Variants in METAP1D observed in about 807,000 individuals in gnomAD.
The protein encoded by METAP1D is methionyl aminopeptidase type 1D, mitochondrial.
Under a neutral mutation model 40.5 loss-of-function variants are expected in METAP1D, and 31 were observed. The observed-to-expected ratio is 0.77, with a 90% CI of 0.58 to 1.03. METAP1D has a LOEUF of 1.03. METAP1D is among the 50% of genes least tolerant of loss of function. The probability of loss-of-function intolerance (pLI) is 0.00; values close to 1 mark genes in which losing one functional copy is unlikely to be tolerated. For synonymous variants in METAP1D, 151 were observed against 146.4 expected (o/e 1.03, Z -0.22); for missense variants, 411 against 420.7 (o/e 0.98, Z 0.20).
At chr2:172,059,292 A>G (rs1462461229) in intron 1 of METAP1D, among the ~76,000 whole-genome samples, 1 of 151,934 alleles carries the variant, frequency 6.6e-6, no homozygotes, top group Non-Finnish European at 1.5e-5. Flanking sequence ...TATTTTTAGT[A>G]GAGACAAGGT....
chr2:172,056,060 T>C (rs897728368), intron 1 of METAP1D, among the ~76,000 whole-genome samples: 1 of 152,206 alleles, frequency 6.6e-6, no homozygotes, highest in Non-Finnish European at 1.5e-5. Context: ...AATGACTGTG[T>C]ACTTGAACTT....
intron 6 of METAP1D, among the ~76,000 whole-genome samples, chr2:172,076,281 C>A (rs1690543475): frequency 6.7e-6 from 1 of 149,212 alleles, no homozygotes; most frequent in African/African-American, 2.5e-5. Flanking sequence ...TGGGATTGAA[C>A]TAACATAATT....
chr2:172,024,081 G>A (rs537595120), intron 1 of METAP1D, among the ~76,000 whole-genome samples: 9 of 152,090 alleles, frequency 5.9e-5, no homozygotes, highest in African/African-American at 1.9e-4. Flanking sequence ...GGATAGTCTC[G>A]ATCTCCTGAC....
At chr2:172,006,549 G>T (rs1168643555) in intron 1 of METAP1D, among the ~76,000 whole-genome samples, 1 of 152,132 alleles carries the variant, frequency 6.6e-6, no homozygotes, top group African/African-American at 2.4e-5. Flanking sequence ...AATCAGTGTG[G>T]ATGCTATATA....
chr2:172,024,470 C>T (rs1253674097), intron 1 of METAP1D, among the ~76,000 whole-genome samples: 2 of 152,048 alleles, frequency 1.3e-5, no homozygotes, highest in East Asian at 3.9e-4. Flanking sequence ...CTGAGAAACC[C>T]AAACCACAAA....
At chr2:172,046,730 A>AT (rs1689771376) in intron 1 of METAP1D, among the ~76,000 whole-genome samples, 1 of 152,232 alleles carries the variant, frequency 6.6e-6, no homozygotes, top group Non-Finnish European at 1.5e-5. Flanking sequence ...TTCTGACAAA[A>AT]TTAGAAAAAT....
chr2:172,066,321 TA>T lies in METAP1D; in HGVS notation c.540+21del, dbSNP rs545883280. The T allele has an allele frequency of 9.0e-5, 145 of 1,604,356 alleles. 2 individuals carry two copies. The South Asian group carries it at 1.5e-3, about 17-fold the overall frequency. ...TTGATGTCACAGTGAGTAAATCATA[TA>T]AAAAATTGTCTTTGATCAACTTCAG... On this transcript the variant is annotated intron_variant, in intron 5 of 9. Transcript: ENST00000315796.
intron 1 of METAP1D, among the ~76,000 whole-genome samples, chr2:172,058,122 T>C (rs966105356): frequency 2.0e-5 from 3 of 152,144 alleles, no homozygotes; most frequent in Non-Finnish European, 4.4e-5. Context: ...AACTCCTGAG[T>C]AGCTGGACTA....
intron 1 of METAP1D, among the ~76,000 whole-genome samples, chr2:172,039,288 T>TA (rs1263716768): frequency 6.6e-6 from 1 of 152,224 alleles, no homozygotes; most frequent in East Asian, 1.9e-4. Context: ...CCTTATGTCA[T>TA]ACTGTGCTCA....
chr2:172,063,598 G>C lies in METAP1D; in HGVS notation c.199-113G>C, dbSNP rs950050139. 16 of 813,314 alleles carry C rather than the reference G, an allele frequency of 2.0e-5. No individual in the cohort carries two copies. In the South Asian group the frequency reaches 2.0e-4, roughly 10 times the overall value. 50.4% of individuals were successfully genotyped at this position (813,314 alleles called of 1,614,324 possible). ...GTCTGTTGTGCTGGCTTCGGAGGTC[G>C]GTGCTCCGGCAGGAAGGGCAGAGCT... On this transcript the variant is annotated intron_variant, in intron 2 of 9. Transcript: ENST00000315796.
At chr2:172,050,663 T>G (rs1689867063) in intron 1 of METAP1D, among the ~76,000 whole-genome samples, 1 of 152,202 alleles carries the variant, frequency 6.6e-6, no homozygotes, top group Non-Finnish European at 1.5e-5. Context: ...CCTAGAAGTG[T>G]GCATTCCCTG....
At chr2:172,028,413 A>G (rs972777475) in intron 1 of METAP1D, among the ~76,000 whole-genome samples, 1 of 152,238 alleles carries the variant, frequency 6.6e-6, no homozygotes, top group South Asian at 2.1e-4. Context: ...CCTCAAGGCC[A>G]TAATGGGAAG....
Position 172,044,509 on chromosome 2 carries a change from C to T in METAP1D, c.41-16989C>T, listed in dbSNP as rs1376784690. Among the ~76,000 whole-genome samples, 3 of 130,768 alleles carry T rather than the reference C, an allele frequency of 2.3e-5. 1 individual carries two copies. Among genetic ancestry groups the T allele is most frequent in the African/African-American group, 2.6e-5 (1 of 38,862 alleles). The allele number at this position is 130,768 out of a possible 152,430, so 85.8% of individuals were successfully genotyped here. A position where few individuals can be genotyped will look rare whatever the true frequency, so the allele number is the denominator to read the frequency against. ...ACTTAGGAGGCTGAGGCAGGAGAAT[C>T]GCTTGAACCTGGGAGGCAGAGGTGG... On this transcript the variant is annotated intron_variant, in intron 1 of 9. Transcript: ENST00000315796.
chr2:172,054,943 A>C (rs1689968465), intron 1 of METAP1D, among the ~76,000 whole-genome samples: 1 of 152,184 alleles, frequency 6.6e-6, no homozygotes. Context: ...TTTACTCCCT[A>C]AGAAAACCCT....
At chr2:172,008,274 G>T (rs747470377) in intron 1 of METAP1D, among the ~76,000 whole-genome samples, 6 of 152,048 alleles carry the variant, frequency 3.9e-5, no homozygotes, top group Non-Finnish European at 7.4e-5. Flanking sequence ...GTGGCCATTG[G>T]CAATCATGAC....
chr2:172,020,404 AAAC>A (rs1326911692), intron 1 of METAP1D, among the ~76,000 whole-genome samples: 1 of 152,228 alleles, frequency 6.6e-6, no homozygotes, highest in East Asian at 1.9e-4. Flanking sequence ...AGTTGATTAA[AAAC>A]AACAACAAAA....
intron 1 of METAP1D, among the ~76,000 whole-genome samples, chr2:172,036,108 G>C (rs1281638836): frequency 6.6e-6 from 1 of 151,888 alleles, no homozygotes; most frequent in East Asian, 2.0e-4. Flanking sequence ...ACTAGGTCAG[G>C]AGATCAAGAC....
chr2:172,054,181 C>T (rs1324713065), intron 1 of METAP1D, among the ~76,000 whole-genome samples: 1 of 152,008 alleles, frequency 6.6e-6, no homozygotes, highest in East Asian at 1.9e-4. Flanking sequence ...AGTAAGAGGC[C>T]AATAAATATA....
intron 1 of METAP1D, among the ~76,000 whole-genome samples, chr2:172,006,846 C>T (rs1411387331): frequency 6.6e-6 from 1 of 152,162 alleles, no homozygotes; most frequent in Admixed American, 6.6e-5. Context: ...TTTTGAAGCA[C>T]ATTCCAGATA....
Sources: allele counts gnomAD v4.1 joint callset (sites outside exome capture counted in the v4.1 genomes callset), GRCh38; gene constraint gnomAD v4.1.1; transcripts MANE v1.5; gene names NCBI Gene and HGNC (gene_info 2026-07-23, HGNC 2026-07-21).